Variants in PRKAR1B observed in about 807,000 individuals in gnomAD.
The protein encoded by PRKAR1B is cAMP-dependent protein kinase type I-beta regulatory subunit.
Under a neutral mutation model 46.5 loss-of-function variants are expected in PRKAR1B, and 22 were observed. The observed-to-expected ratio is 0.47, with a 90% CI of 0.34 to 0.68. PRKAR1B has a LOEUF of 0.68. Ranked by LOEUF, PRKAR1B falls within the 30% of genes least tolerant of loss-of-function variation. PRKAR1B has a pLI of 0.01. For missense variants in PRKAR1B, 445 were observed against 535.6 expected (o/e 0.83, Z 1.67); for synonymous variants, 259 against 217.7 (o/e 1.19, Z -1.67).
intron 4 of PRKAR1B, among the ~76,000 whole-genome samples, chr7:646,703 C>T (rs980095577): frequency 6.6e-6 from 1 of 152,228 alleles, no homozygotes; most frequent in African/African-American, 2.4e-5. Flanking sequence ...TGAAATCACA[C>T]GATGATGAAA....
intron 6 of PRKAR1B, chr7:603,220 G>A (rs989212018): frequency 1.3e-5 from 2 of 152,272 alleles, no homozygotes; most frequent in African/African-American, 4.8e-5. Context: ...CATTCCACAG[G>A]GGAGGAAAGG....
chr7:610,060 A>G (rs1782387638), intron 4 of PRKAR1B, among the ~76,000 whole-genome samples: 1 of 152,114 alleles, frequency 6.6e-6, no homozygotes. Flanking sequence ...CATTCTCTAT[A>G]TGAAAACCCT....
chr7:595,344 C>A (rs536385685), intron 7 of PRKAR1B, among the ~76,000 whole-genome samples: 19 of 152,332 alleles, frequency 1.2e-4, no homozygotes, highest in African/African-American at 4.3e-4. Context: ...CGCCCCACTC[C>A]GTCTGCCTCC....
intron 1 of PRKAR1B, among the ~76,000 whole-genome samples, chr7:713,413 C>CCTGTCTCCCACTATG (rs1780759587): frequency 6.6e-6 from 1 of 152,044 alleles, no homozygotes; most frequent in South Asian, 2.1e-4. Context: ...TGCCTACTCA[C>CCTGTCTCCCACTATG]CTGTCTCCCA....
chr7:677,323 G>T lies in PRKAR1B; in HGVS notation c.349-3C>A. On this transcript the variant is annotated splice_region_variant and splice_polypyrimidine_tract_variant and intron_variant, in intron 3 of 10. Coordinates refer to ENST00000537384, the MANE Select transcript of PRKAR1B (RefSeq NM_001164760.2). ...GTTTTGTAGTCCTTGGGAATCACCT[G>T]AAGCGGAGCCAACACATCACCGTGT... 1 of 1,614,138 alleles carries T rather than the reference G, an allele frequency of 6.2e-7. No individual in the cohort carries two copies. Among genetic ancestry groups the T allele is most frequent in the East Asian group, 2.2e-5 (1 of 44,886 alleles).
intron 4 of PRKAR1B, among the ~76,000 whole-genome samples, chr7:623,756 G>A (rs142132235): frequency 0.011 from 1,719 of 152,330 alleles, 16 homozygotes; most frequent in South Asian, 0.018. Flanking sequence ...TAGTGCAATG[G>A]TCCAGAATGA....
intron 7 of PRKAR1B, among the ~76,000 whole-genome samples, chr7:588,237 C>G (rs894406135): frequency 6.6e-6 from 1 of 152,246 alleles, no homozygotes; most frequent in African/African-American, 2.4e-5. Context: ...CCCTGCCTTC[C>G]AGAGCCTCAG....
At chr7:566,274 C>A (rs1365622070) in intron 9 of PRKAR1B, among the ~76,000 whole-genome samples, 4 of 144,694 alleles carry the variant, frequency 2.8e-5, no homozygotes, top group Non-Finnish European at 6.1e-5. Context: ...ACCATCTTCA[C>A]CAACTCATCT....
chr7:671,845 G>A (rs533145246), intron 4 of PRKAR1B, among the ~76,000 whole-genome samples: 2 of 152,276 alleles, frequency 1.3e-5, no homozygotes, highest in South Asian at 2.1e-4. Context: ...TGCCTGGAAC[G>A]GGCCCCAGGC....
intron 10 of PRKAR1B, 88 bp downstream of exon 10, chr7:551,301 C>G (rs1784176271): frequency 7.7e-6 from 10 of 1,304,070 alleles, no homozygotes; most frequent in Non-Finnish European, 1.1e-5. Flanking sequence ...GGGAAGCCCC[C>G]CAGCAGCTCC....
intron 4 of PRKAR1B, among the ~76,000 whole-genome samples, chr7:660,922 C>T (rs1158546758): frequency 1.6e-5 from 2 of 122,836 alleles, no homozygotes; most frequent in African/African-American, 3.2e-5. Flanking sequence ...CCCCATGGCA[C>T]AGGTCCCCAA....
At chr7:623,708 C>T (rs1367168400) in intron 4 of PRKAR1B, among the ~76,000 whole-genome samples, 2 of 152,246 alleles carry the variant, frequency 1.3e-5, no homozygotes, top group Non-Finnish European at 2.9e-5. Context: ...CAAGCTCCTT[C>T]CTCCACCGCA....
At chr7:674,346 C>T (rs1786461360) in intron 4 of PRKAR1B, among the ~76,000 whole-genome samples, 1 of 152,072 alleles carries the variant, frequency 6.6e-6, no homozygotes, top group African/African-American at 2.4e-5. Flanking sequence ...CCATGCCCAG[C>T]TATTCCAGCC....
At chr7:594,409 C>T (rs1024666108) in intron 7 of PRKAR1B, among the ~76,000 whole-genome samples, 6 of 152,176 alleles carry the variant, frequency 3.9e-5, no homozygotes, top group Non-Finnish European at 8.8e-5. Context: ...TCGGAGCAGA[C>T]GCTGTCCGGG....
intron 9 of PRKAR1B, among the ~76,000 whole-genome samples, chr7:575,397 C>T (rs962093491): frequency 6.6e-6 from 1 of 152,200 alleles, no homozygotes; most frequent in Non-Finnish European, 1.5e-5. Context: ...TTTGGAGCAC[C>T]CAGTCTTGGG....
intron 4 of PRKAR1B, among the ~76,000 whole-genome samples, chr7:660,844 A>G (rs1196763674): frequency 7.7e-5 from 7 of 91,112 alleles, no homozygotes; most frequent in South Asian, 4.7e-4. Context: ...AACCCAACAG[A>G]TCCAAATACC....
At chr7:569,385 T>C (rs1562525783) in intron 9 of PRKAR1B, among the ~76,000 whole-genome samples, 1 of 152,178 alleles carries the variant, frequency 6.6e-6, no homozygotes, top group Non-Finnish European at 1.5e-5. Flanking sequence ...AAAACAGTTG[T>C]CCCCTGGAGC....
chr7:582,833 C>T (rs1010177166), intron 8 of PRKAR1B, among the ~76,000 whole-genome samples: 1 of 152,272 alleles, frequency 6.6e-6, no homozygotes, highest in Non-Finnish European at 1.5e-5. Flanking sequence ...AGACGGGCGG[C>T]AGAGGCCCTG....
intron 2 of PRKAR1B, among the ~76,000 whole-genome samples, chr7:703,925 TC>T (rs1780187249): frequency 6.6e-6 from 1 of 151,732 alleles, no homozygotes; most frequent in Non-Finnish European, 1.5e-5. Context: ...ATCAAAAAAA[TC>T]CCCAAATATT....
Sources: allele counts gnomAD v4.1 joint callset (sites outside exome capture counted in the v4.1 genomes callset), GRCh38; gene constraint gnomAD v4.1.1; transcripts MANE v1.5; gene names NCBI Gene and HGNC (gene_info 2026-07-23, HGNC 2026-07-21).